Variants in DYNC2LI1 observed in about 807,000 individuals in gnomAD.
DYNC2LI1 encodes the protein cytoplasmic dynein 2 light intermediate chain 1.
DYNC2LI1 carries 45 observed loss-of-function variants against 51.9 expected under a neutral mutation model. The ratio of observed to expected loss-of-function variants is 0.87; its 90% CI spans 0.68 to 1.11. The LOEUF is 1.11. DYNC2LI1 is among the 50% of genes most tolerant of loss of function. The pLI is 0.00. For synonymous variants in DYNC2LI1, 130 were observed against 137.8 expected (o/e 0.94, Z 0.40); for missense variants, 490 against 417.4 (o/e 1.17, Z -1.51).
the DYNC2LI1 span, among the ~76,000 whole-genome samples, chr2:43,817,231 T>A: frequency 6.6e-6 from 1 of 152,228 alleles, no homozygotes; most frequent in Non-Finnish European, 1.5e-5. Context: ...ACGCCTGTAA[T>A]CCCAGCACCT....
downstream of DYNC2LI1, chr2:43,812,711 A>G (rs1364154263): frequency 5.0e-6 from 1 of 200,078 alleles, no homozygotes; most frequent in Non-Finnish European, 1.0e-5. Context: ...TTTCTCTGTC[A>G]CTTATGGTCA....
chr2:43,810,775 C>T (rs4148196), downstream of DYNC2LI1, among the ~76,000 whole-genome samples: 11 of 152,140 alleles, frequency 7.2e-5, no homozygotes, highest in African/African-American at 2.2e-4. Flanking sequence ...CTTTAGCACA[C>T]GTTTCTTGCT....
rs538598443 is a variant in DYNC2LI1, at chr2:43,796,053, A to T, written c.576+95A>T. On this transcript the variant is annotated intron_variant, in intron 7 of 12. Transcript: ENST00000260605. ...AAATAATATCAAAATAAGAAAAATA[A>T]TTATTGAAGGAATCGGTTAAGTCAT... 529 of 903,816 alleles carry T rather than the reference A, an allele frequency of 5.9e-4. 3 individuals are homozygous for T. The African/African-American group carries it at 8.1e-3, about 14-fold the overall frequency. 56.0% of individuals were successfully genotyped at this position (903,816 alleles called of 1,614,324 possible).
In DYNC2LI1 at chr2:43,778,077, A is replaced by T. The variant is rs114553733; in HGVS notation, c.126+1178A>T. Reference sequence around the variant, plus strand: ...ATATTGGCCCACTTTTTAAAATTCAAACTTAATTCTTTAAAATAAAATTAT... The same window carrying T: ...ATATTGGCCCACTTTTTAAAATTCATACTTAATTCTTTAAAATAAAATTAT... On this transcript the variant is annotated intron_variant, in intron 2 of 12. Coordinates refer to ENST00000260605, the MANE Select transcript of DYNC2LI1 (RefSeq NM_016008.4). Among the ~76,000 whole-genome samples the T allele has an allele frequency of 4.0e-3, 610 of 152,316 alleles. 5 individuals carry two copies. Among genetic ancestry groups the T allele is most frequent in the African/African-American group, 0.014 (585 of 41,572 alleles).
chr2:43,795,659 G>A (rs1674002770), intron 6 of DYNC2LI1, among the ~76,000 whole-genome samples: 1 of 151,950 alleles, frequency 6.6e-6, no homozygotes, highest in African/African-American at 2.4e-5. Context: ...GGTAGAAAAA[G>A]GAAAATAATA....
At chr2:43,795,022 T>A in intron 6 of DYNC2LI1, 1 of 1,112,558 alleles carries the variant, frequency 9.0e-7, no homozygotes, top group Non-Finnish European at 1.1e-6. Context: ...GGGGTAGAGT[T>A]GTAATAGCCT....
chr2:43,804,191 A>G (rs890733700), intron 10 of DYNC2LI1, among the ~76,000 whole-genome samples: 15 of 152,152 alleles, frequency 9.9e-5, no homozygotes, highest in African/African-American at 3.6e-4. Flanking sequence ...TAACTGTTGG[A>G]TAGTGTTACA....
chr2:43,808,632 A>C (rs1187476409), intron 12 of DYNC2LI1, among the ~76,000 whole-genome samples: 1 of 152,218 alleles, frequency 6.6e-6, no homozygotes, highest in African/African-American at 2.4e-5. Flanking sequence ...TGAATTGTAA[A>C]GGTAAGATAT....
chr2:43,802,841 A>G (rs1666119252), intron 10 of DYNC2LI1, among the ~76,000 whole-genome samples: 1 of 152,226 alleles, frequency 6.6e-6, no homozygotes, highest in Non-Finnish European at 1.5e-5. Context: ...TAATCCAATT[A>G]GAAAGTGGGC....
intron 8 of DYNC2LI1, among the ~76,000 whole-genome samples, chr2:43,798,408 T>C (rs546323324): frequency 8.5e-5 from 13 of 152,260 alleles, no homozygotes; most frequent in Admixed American, 7.8e-4. Flanking sequence ...TTTACTATTT[T>C]GAGAGGATAT....
At chr2:43,795,384 G>A (rs899146230) in intron 6 of DYNC2LI1, among the ~76,000 whole-genome samples, 2 of 152,002 alleles carry the variant, frequency 1.3e-5, no homozygotes, top group African/African-American at 4.8e-5. Flanking sequence ...CATGCCTGTA[G>A]TCCCAGCTAC....
intron 6 of DYNC2LI1, chr2:43,795,244 G>A (rs1558685647): frequency 2.1e-6 from 2 of 965,194 alleles, no homozygotes; most frequent in Non-Finnish European, 2.5e-6. Context: ...GATGGCTCAT[G>A]CTTGTAATCC....
rs151285797 is a variant in DYNC2LI1, at chr2:43,797,275, G to A, written c.654+480G>A. On this transcript the variant is annotated intron_variant, in intron 8 of 12. Coordinates refer to ENST00000260605, the MANE Select transcript of DYNC2LI1 (RefSeq NM_016008.4). Reference sequence around the variant, plus strand: ...ACCATTTATTAGACGTGTGATCTTCGGCAAGTCACTTAATTTCACTTAAGC... The same window carrying A: ...ACCATTTATTAGACGTGTGATCTTCAGCAAGTCACTTAATTTCACTTAAGC... Among the ~76,000 whole-genome samples the A allele has an allele frequency of 1.7e-3, 251 of 152,104 alleles. 3 individuals are homozygous for A. The highest frequency in any genetic ancestry group is 9.8e-3 in the Admixed American group (150 of 15,278).
the DYNC2LI1 span, among the ~76,000 whole-genome samples, chr2:43,826,018 C>T: frequency 6.6e-6 from 1 of 152,148 alleles, no homozygotes; most frequent in Non-Finnish European, 1.5e-5. Context: ...CTCTGTCACC[C>T]AGGCTAGAGT....
chr2:43,812,136 T>C (rs1329861952), downstream of DYNC2LI1, among the ~76,000 whole-genome samples: 1 of 152,006 alleles, frequency 6.6e-6, no homozygotes, highest in Non-Finnish European at 1.5e-5. Flanking sequence ...CTGCAGCCCC[T>C]GCCTCCTAGG....
chr2:43,797,080 T>A (rs1360898397), intron 8 of DYNC2LI1, among the ~76,000 whole-genome samples: 1 of 152,222 alleles, frequency 6.6e-6, no homozygotes, highest in African/African-American at 2.4e-5. Context: ...TTTATTCATT[T>A]TTGGTATCCC....
chr2:43,819,618 T>C, the DYNC2LI1 span, among the ~76,000 whole-genome samples: 3 of 152,236 alleles, frequency 2.0e-5, no homozygotes, highest in South Asian at 6.2e-4. Context: ...GGCTGTGAGT[T>C]TTTCCTGGAA....
intron 2 of DYNC2LI1, among the ~76,000 whole-genome samples, chr2:43,782,415 A>G (rs1042942981): frequency 6.6e-6 from 1 of 152,050 alleles, no homozygotes; most frequent in Non-Finnish European, 1.5e-5. Flanking sequence ...AAAAACACAT[A>G]TAATAAGTGT....
chr2:43,790,124 T>G (rs567457544), intron 5 of DYNC2LI1, among the ~76,000 whole-genome samples: 17 of 152,316 alleles, frequency 1.1e-4, no homozygotes, highest in African/African-American at 3.8e-4. Flanking sequence ...ACCTTTGAAT[T>G]TAGTGCTAAT....
Sources: gnomAD v4.1 joint callset for allele counts (sites outside exome capture counted in the v4.1 genomes callset) on GRCh38, gnomAD v4.1.1 for gene constraint, MANE v1.5 for transcripts, NCBI Gene and HGNC (gene_info 2026-07-23, HGNC 2026-07-21) for gene names.